CD2AP: variants seen among roughly 807,000 people sequenced by gnomAD.
CD2AP encodes the protein CD2-associated protein.
CD2AP carries 46 observed loss-of-function variants against 85.1 expected under a neutral mutation model. The ratio of observed to expected loss-of-function variants is 0.54; its 90% confidence interval spans 0.43 to 0.69. The LOEUF is 0.69. CD2AP is among the 30% of genes least tolerant of loss of function. The pLI, the probability that CD2AP is intolerant of heterozygous loss-of-function variation, is 0.00. For synonymous variants in CD2AP, 255 were observed against 252.9 expected, an observed-to-expected ratio of 1.01 and a Z score of -0.08; for missense variants, 769 against 729.5, an observed-to-expected ratio of 1.05 and a Z score of -0.62.
chr6:47,598,415 A>G (rs1769008412), intron 12 of CD2AP, among the ~76,000 whole-genome samples: 2 of 151,082 alleles, frequency 1.3e-5, no homozygotes, highest in Admixed American at 6.6e-5. Context: ...TACCCAGAGG[A>G]AAATAAGTTA....
At chr6:47,545,998 C>G (rs1767356630) in intron 4 of CD2AP, among the ~76,000 whole-genome samples, 1 of 151,914 alleles carries the variant, frequency 6.6e-6, no homozygotes, top group Non-Finnish European at 1.5e-5. Flanking sequence ...GTATCCAAAC[C>G]AAGAAGAAAT....
intron 4 of CD2AP, among the ~76,000 whole-genome samples, chr6:47,553,116 A>G (rs1767571908): frequency 6.6e-6 from 1 of 151,646 alleles, no homozygotes; most frequent in Non-Finnish European, 1.5e-5. Context: ...TAAGTGTTTT[A>G]TTGAAGAACA....
chr6:47,584,236 A>G (rs1441761629), intron 11 of CD2AP, among the ~76,000 whole-genome samples: 3 of 152,086 alleles, frequency 2.0e-5, no homozygotes, highest in African/African-American at 7.2e-5. Context: ...AAGCTTATCA[A>G]TTACTTCTTT....
intron 5 of CD2AP, among the ~76,000 whole-genome samples, chr6:47,556,595 C>T (rs181846829): frequency 2.8e-4 from 42 of 152,134 alleles, no homozygotes; most frequent in East Asian, 2.1e-3. Flanking sequence ...GTGATCCACA[C>T]GCCTCGGCCT....
At chr6:47,578,951 C>G (rs1768386631) in intron 8 of CD2AP, among the ~76,000 whole-genome samples, 1 of 152,144 alleles carries the variant, frequency 6.6e-6, no homozygotes, top group South Asian at 2.1e-4. Flanking sequence ...GCCACCGTAC[C>G]CGGCCTCATT....
At chr6:47,516,761 A>G (rs559992030) in intron 2 of CD2AP, among the ~76,000 whole-genome samples, 6 of 152,294 alleles carry the variant, frequency 3.9e-5, no homozygotes, top group African/African-American at 1.4e-4. Flanking sequence ...AAGTTAGAAA[A>G]CAGGACAGTG....
intron 5 of CD2AP, among the ~76,000 whole-genome samples, chr6:47,571,227 A>G (rs559170917): frequency 6.6e-6 from 1 of 152,320 alleles, no homozygotes; most frequent in South Asian, 2.1e-4. Context: ...TATTGGAGGT[A>G]TATATTAAAA....
chr6:47,519,937 T>G (rs1205659311), intron 2 of CD2AP, among the ~76,000 whole-genome samples: 2 of 152,228 alleles, frequency 1.3e-5, no homozygotes, highest in Non-Finnish European at 2.9e-5. Context: ...AGCAGTTAGC[T>G]TGATTAGTCT....
At chr6:47,579,348 A>AT in intron 8 of CD2AP, 37 bp from the exon 9 acceptor site, 258 of 1,166,734 alleles carry the variant, frequency 2.2e-4, no homozygotes, top group Non-Finnish European at 3.0e-4. Context: ...AAAAAAAAAA[A>AT]GGTCTATTGT....
At chr6:47,534,079 T>C (rs370447109) in intron 3 of CD2AP, among the ~76,000 whole-genome samples, 1 of 152,234 alleles carries the variant, frequency 6.6e-6, no homozygotes, top group Non-Finnish European at 1.5e-5. Flanking sequence ...TATCTGCTGA[T>C]TCTTAGCATA....
Position 47,546,695 on chromosome 6 carries a change from T to C in CD2AP, c.420+1989T>C, listed in dbSNP as rs1326833659. Among the ~76,000 whole-genome samples, 5 of 152,304 alleles carry C rather than the reference T, an allele frequency of 3.3e-5. No homozygotes were observed. The East Asian group carries it at 9.6e-4, about 29-fold the overall frequency. ...GTTCAAAGGACACCTGGGAAATTTA[T>C]CACAAAAAGATTATCACCTGGGCAC... On this transcript the variant is annotated intron_variant, in intron 4 of 17. Transcript: ENST00000359314.
chr6:47,614,929 G>A (rs1231133098), intron 17 of CD2AP, among the ~76,000 whole-genome samples: 1 of 152,056 alleles, frequency 6.6e-6, no homozygotes, highest in Non-Finnish European at 1.5e-5. Context: ...TGGCAATTTC[G>A]ACTATTTCCT....
intron 1 of CD2AP, among the ~76,000 whole-genome samples, chr6:47,490,052 A>T (rs9369701): frequency 0.62 from 92,495 of 150,186 alleles, 29,106 homozygotes; most frequent in Middle Eastern, 0.74. Context: ...CATAGTTCAC[A>T]GCAACCTTGA....
chr6:47,504,786 C>T (rs1223133691), intron 2 of CD2AP, among the ~76,000 whole-genome samples: 1 of 152,036 alleles, frequency 6.6e-6, no homozygotes, highest in Non-Finnish European at 1.5e-5. Context: ...TTTGATTTCT[C>T]AGTGATGTAA....
chr6:47,492,075 T>A (rs1466006340), intron 1 of CD2AP, among the ~76,000 whole-genome samples: 1 of 152,196 alleles, frequency 6.6e-6, no homozygotes, highest in Non-Finnish European at 1.5e-5. Flanking sequence ...CTGTTTCCAG[T>A]TTAGTTACTT....
chr6:47,533,356 G>A (rs1008948118), intron 2 of CD2AP, among the ~76,000 whole-genome samples: 2 of 152,002 alleles, frequency 1.3e-5, no homozygotes, highest in African/African-American at 4.8e-5. Context: ...GAGTGGTCGG[G>A]GTGGGGTTTG....
chr6:47,504,565 T>C lies in CD2AP; in HGVS notation c.165+1125T>C, dbSNP rs556551899. On this transcript the variant is annotated intron_variant, in intron 2 of 17. Transcript: ENST00000359314. ...AGTCTCTAGGTTAACTTATAATACC[T>C]AGTAAAGTGTAAATGTTATGTAAAT... Among the ~76,000 whole-genome samples the C allele has an allele frequency of 3.9e-5, 6 of 152,300 alleles. No individual in the cohort carries two copies. In the South Asian group the frequency reaches 1.0e-3, roughly 26 times the overall value.
chr6:47,601,396 C>T (rs919293332), intron 13 of CD2AP, among the ~76,000 whole-genome samples: 35 of 151,950 alleles, frequency 2.3e-4, no homozygotes, highest in Non-Finnish European at 4.9e-4. Context: ...GTTCTTTATT[C>T]CTTCCACTTA....
chr6:47,612,680 CA>C (rs1482563739), intron 17 of CD2AP, 144 bp downstream of exon 17: 4 of 653,882 alleles, frequency 6.1e-6, no homozygotes, highest in African/African-American at 1.8e-5. Flanking sequence ...TATTCAGTCA[CA>C]AAAAAAGAAT....
Sources: gnomAD v4.1 joint callset for allele counts (sites outside exome capture counted in the v4.1 genomes callset) on GRCh38, gnomAD v4.1.1 for gene constraint, MANE v1.5 for transcripts, NCBI Gene and HGNC (gene_info 2026-07-23, HGNC 2026-07-21) for gene names.